CPNE8: variants seen among roughly 807,000 people sequenced by gnomAD.
CPNE8 encodes copine-8.
A neutral mutation model predicts 81.5 loss-of-function variants in CPNE8; 45 were observed. That is an observed-to-expected ratio of 0.55 (90% CI 0.44 to 0.71). CPNE8 has a LOEUF of 0.71. Among genes scored for constraint, CPNE8 ranks in the 30% least tolerant of loss-of-function variants. CPNE8 has a pLI of 0.00. For synonymous variants in CPNE8, 252 were observed against 226.3 expected (o/e 1.11, Z -1.02); for missense variants, 594 against 672.1 (o/e 0.88, Z 1.28).
At chr12:38,893,642 C>T (rs1944344220) in intron 1 of CPNE8, among the ~76,000 whole-genome samples, 1 of 152,152 alleles carries the variant, frequency 6.6e-6, no homozygotes, top group Non-Finnish European at 1.5e-5. Flanking sequence ...TGTATAGACT[C>T]ACCCTAAATT....
intron 10 of CPNE8, among the ~76,000 whole-genome samples, chr12:38,740,941 A>G (rs1941085172): frequency 6.6e-6 from 1 of 152,086 alleles, no homozygotes; most frequent in Admixed American, 6.6e-5. Context: ...TTTTCTATTG[A>G]CTGGAATAGT....
chr12:38,656,332 T>TC (rs1938817312), intron 19 of CPNE8, among the ~76,000 whole-genome samples: 1 of 151,892 alleles, frequency 6.6e-6, no homozygotes, highest in Admixed American at 6.6e-5. Context: ...TTTTTTTTTT[T>TC]TTTGAAGAGT....
intron 6 of CPNE8, among the ~76,000 whole-genome samples, chr12:38,826,683 C>T (rs1210545875): frequency 6.6e-6 from 1 of 152,056 alleles, no homozygotes; most frequent in African/African-American, 2.4e-5. Context: ...GTTCTATTCA[C>T]CACATACCCC....
chr12:38,780,363 A>G (rs891721726), intron 6 of CPNE8, among the ~76,000 whole-genome samples: 2 of 152,128 alleles, frequency 1.3e-5, no homozygotes, highest in African/African-American at 4.8e-5. Context: ...CAAATGTAAA[A>G]GGTCTAATAA....
At chr12:38,834,346 A>G (rs929792182) in intron 5 of CPNE8, among the ~76,000 whole-genome samples, 3 of 152,066 alleles carry the variant, frequency 2.0e-5, no homozygotes, top group Non-Finnish European at 4.4e-5. Flanking sequence ...TGGCCTTACC[A>G]TGGGTCTCTC....
chr12:38,659,385 C>T (rs1938899207), intron 19 of CPNE8, among the ~76,000 whole-genome samples: 2 of 152,140 alleles, frequency 1.3e-5, no homozygotes, highest in African/African-American at 4.8e-5. Context: ...TACAAGAGCA[C>T]CCAGATTCAT....
chr12:38,766,138 G>C (rs1048108297), intron 8 of CPNE8, among the ~76,000 whole-genome samples: 1 of 152,146 alleles, frequency 6.6e-6, no homozygotes, highest in East Asian at 1.9e-4. Context: ...GATTACAGGC[G>C]TGAGCCACCG....
intron 6 of CPNE8, among the ~76,000 whole-genome samples, chr12:38,795,981 G>T (rs998255763): frequency 1.3e-5 from 2 of 152,072 alleles, no homozygotes; most frequent in Admixed American, 1.3e-4. Context: ...CTGAACTCAG[G>T]CCAGGAACGG....
intron 3 of CPNE8, among the ~76,000 whole-genome samples, chr12:38,852,557 G>A (rs570734710): frequency 1.1e-4 from 16 of 152,076 alleles, no homozygotes; most frequent in South Asian, 2.1e-4. Context: ...AGCCAAGATC[G>A]CGCCATTGCA....
At chr12:38,716,802 A>T (rs1565581006) in intron 13 of CPNE8, among the ~76,000 whole-genome samples, 1 of 152,160 alleles carries the variant, frequency 6.6e-6, no homozygotes, top group Non-Finnish European at 1.5e-5. Context: ...ACCTAATTAA[A>T]CCAAAAAGCT....
chr12:38,777,613 A>G (rs1941962834), intron 6 of CPNE8, among the ~76,000 whole-genome samples: 1 of 152,168 alleles, frequency 6.6e-6, no homozygotes, highest in African/African-American at 2.4e-5. Context: ...CATTCATGGT[A>G]AGTACCCTAC....
chr12:38,800,371 TG>T, intron 6 of CPNE8, among the ~76,000 whole-genome samples: 1 of 36,664 alleles, frequency 2.7e-5, no homozygotes, highest in East Asian at 5.1e-4. Flanking sequence ...GCAGCCTAAC[TG>T]GGAGGCACCC....
intron 10 of CPNE8, among the ~76,000 whole-genome samples, chr12:38,736,443 G>A (rs1940955446): frequency 6.6e-6 from 1 of 151,742 alleles, no homozygotes; most frequent in African/African-American, 2.4e-5. Flanking sequence ...ATAAGCCATA[G>A]TTAAGGATAT....
chr12:38,710,102 T>C (rs1940212296), intron 13 of CPNE8, among the ~76,000 whole-genome samples: 1 of 152,022 alleles, frequency 6.6e-6, no homozygotes, highest in South Asian at 2.1e-4. Flanking sequence ...GATTGATTTC[T>C]ATATTTTTTT....
rs140768027 is a variant in CPNE8, at chr12:38,763,115, T to C, written c.576-899A>G. ...CTCATGATCCACCTGCCCCGCCCTC[T>C]CAAAGTGCTGGGATTACAGGCGTGA... On this transcript the variant is annotated intron_variant, in intron 8 of 19. Coordinates refer to ENST00000331366, the MANE Select transcript of CPNE8 (RefSeq NM_153634.3). Among the ~76,000 whole-genome samples the C allele has an allele frequency of 4.9e-3, 751 of 152,220 alleles. 5 individuals carry two copies. The highest frequency in any genetic ancestry group is 0.017 in the African/African-American group (699 of 41,544).
intron 3 of CPNE8, among the ~76,000 whole-genome samples, chr12:38,851,010 A>G (rs1565648037): frequency 1.3e-5 from 2 of 152,218 alleles, no homozygotes. Context: ...GAGGCTTCAT[A>G]CAGCATTTGG....
At chr12:38,774,361 T>G (rs1941876561) in intron 7 of CPNE8, among the ~76,000 whole-genome samples, 1 of 152,160 alleles carries the variant, frequency 6.6e-6, no homozygotes, top group African/African-American at 2.4e-5. Flanking sequence ...TTTTCTTTCC[T>G]CCTTTATCAT....
intron 10 of CPNE8, among the ~76,000 whole-genome samples, chr12:38,759,073 A>G (rs368913615): frequency 6.6e-5 from 10 of 152,198 alleles, no homozygotes; most frequent in African/African-American, 2.4e-4. Context: ...GTAATATCAC[A>G]TACATTTCTG....
At chr12:38,660,015 A>G (rs572039838) in intron 19 of CPNE8, among the ~76,000 whole-genome samples, 2 of 152,354 alleles carry the variant, frequency 1.3e-5, no homozygotes, top group South Asian at 2.1e-4. Context: ...GGAAGAATCA[A>G]TATCATGAAA....
Sources: gnomAD v4.1 joint callset for allele counts (sites outside exome capture counted in the v4.1 genomes callset) on GRCh38, gnomAD v4.1.1 for gene constraint, MANE v1.5 for transcripts, NCBI Gene and HGNC (gene_info 2026-07-23, HGNC 2026-07-21) for gene names.